The following TMEM120A variants were observed in gnomAD, a reference collection of about 807,000 sequenced individuals.
TMEM120A encodes transmembrane protein 120A.
TMEM120A carries 45 observed loss-of-function variants against 54.3 expected under a neutral mutation model. That is an observed-to-expected ratio of 0.83 (90% CI 0.65 to 1.06). The LOEUF is 1.06. Ranked by LOEUF, TMEM120A falls within the 50% of genes least tolerant of loss-of-function variation. TMEM120A has a pLI of 0.00. For synonymous variants in TMEM120A, 204 were observed against 178.5 expected (o/e 1.14, Z -1.14); for missense variants, 424 against 441.7 (o/e 0.96, Z 0.36).
intron 1 of TMEM120A, among the ~76,000 whole-genome samples, 198 bp downstream of exon 1, chr7:75,994,292 T>A (rs1789968845): frequency 6.6e-6 from 1 of 151,758 alleles, no homozygotes; most frequent in Non-Finnish European, 1.5e-5. Context: ...CGCGATGGGG[T>A]CCCGCCGGGG....
chr7:75,989,127 GGGGTGGAGGTTGGGGGGTGGA>G lies in TMEM120A; in HGVS notation c.377+17_377+37del. Reference sequence around the variant, plus strand: ...AGGGGGGTAGGGGGCTAGGGGTGGAGGGGTGGAGGTTGGGGGGTGGAGGCTCGGCCTGATTACTTAGCCTGC... The same window carrying G: ...AGGGGGGTAGGGGGCTAGGGGTGGAGGGCTCGGCCTGATTACTTAGCCTGC... On this transcript the variant is annotated intron_variant, in intron 4 of 11. Transcript: ENST00000493111. The G allele has an allele frequency of 1.2e-6, 1 of 825,664 alleles. No homozygotes were observed. The highest frequency in any genetic ancestry group is 1.9e-6 in the Non-Finnish European group (1 of 527,272). 51.1% of individuals were successfully genotyped at this position (825,664 alleles called of 1,614,324 possible). A position where few individuals can be genotyped will look rare whatever the true frequency, so the allele number is the denominator to read the frequency against.
intron 1 of TMEM120A, among the ~76,000 whole-genome samples, chr7:75,993,155 G>A (rs1345829746): frequency 6.6e-6 from 1 of 152,290 alleles, no homozygotes; most frequent in Non-Finnish European, 1.5e-5. Flanking sequence ...TACAAGGACA[G>A]ACTCTTTCTC....
rs558483977 is a variant in TMEM120A at position 75,992,745 on chromosome 7, C to T, written c.82-188G>A. Among the ~76,000 whole-genome samples, 14 of 152,274 alleles carry T rather than the reference C, an allele frequency of 9.2e-5. No individual in the cohort carries two copies. The South Asian group carries it at 2.7e-3, about 29-fold the overall frequency. ...CCAAGGCAGGCAAGGACCTGGGTGT[C>T]CTCCTGTGAGCCCAGAGACCCCCAC... On this transcript the variant is annotated intron_variant, in intron 1 of 11. Transcript: ENST00000493111.
intron 3 of TMEM120A, 104 bp downstream of exon 3, chr7:75,992,040 C>T (rs782065403): frequency 2.5e-6 from 2 of 798,906 alleles, no homozygotes; most frequent in South Asian, 1.8e-5. Context: ...TCAGCCTGTA[C>T]TGGGCCCAGG....
At chr7:75,992,332 A>T in intron 2 of TMEM120A, 72 bp from the exon 3 acceptor site, 6 of 1,553,468 alleles carry the variant, frequency 3.9e-6, no homozygotes, top group Non-Finnish European at 2.6e-6. Flanking sequence ...ACAGGGGCAG[A>T]AGGGCAAACA....
At chr7:75,994,458 G>A (rs782000442) in intron 1 of TMEM120A, 32 bp downstream of exon 1, 1 of 1,542,984 alleles carries the variant, frequency 6.5e-7, no homozygotes. Flanking sequence ...GACGCGGCTC[G>A]GGGGCGACCC....
chr7:75,991,126 T>C (rs1789829225), intron 3 of TMEM120A, among the ~76,000 whole-genome samples: 1 of 152,112 alleles, frequency 6.6e-6, no homozygotes. Context: ...GCTATCTCCC[T>C]GCCTGCAGCC....
chr7:75,992,423 G>C lies in TMEM120A; in HGVS notation c.200+16C>G. 6.3e-7 allele frequency: 1 copy of C among 1,586,162 alleles called. No homozygotes were observed. Among genetic ancestry groups the C allele is most frequent in the Non-Finnish European group, 8.6e-7 (1 of 1,165,900 alleles). ...CCCACACTCTGCCCATGGCGGGTGG[G>C]GTAGGGGATCCTAACTTCTTCAGGG... On this transcript the variant is annotated intron_variant, in intron 2 of 11. Coordinates refer to ENST00000493111, the MANE Select transcript of TMEM120A (RefSeq NM_031925.3).
chr7:75,987,800 C>A lies in TMEM120A; in HGVS notation c.702G>T (p.Gln234His). The change falls in exon 9 of 12, where the codon CAG becomes CAT. Residue 234 changes from glutamine (Q) to histidine (H), a missense_variant. Coordinates refer to ENST00000493111, the MANE Select transcript of TMEM120A (RefSeq NM_031925.3). ...LSFSMYQSFV[Q>H]FLQYYYQSGC... is the part of the protein sequence containing the mutation. The stretch of plus-strand genomic sequence containing the variant: ...CGCTCTGGTAGTAGTACTGGAGAAA[C>A]TGCACGAAGCCTGGGCCGGGCGGAG... 1 of 1,612,004 alleles carries A rather than the reference C, an allele frequency of 6.2e-7. No homozygotes were observed. The highest frequency in any genetic ancestry group is 1.1e-5 in the South Asian group (1 of 90,926).
intron 4 of TMEM120A, 82 bp from the exon 5 acceptor site, chr7:75,988,598 A>T: frequency 1.5e-6 from 1 of 689,590 alleles, no homozygotes; most frequent in Non-Finnish European, 2.3e-6. Context: ...AGCTGAGCCA[A>T]GGGTAGTCGG....
At chr7:75,989,092 T>TGAGGGGTGGAGGGGTG (rs1789721498) in intron 4 of TMEM120A, 73 bp downstream of exon 4, 1 of 371,056 alleles carries the variant, frequency 2.7e-6, no homozygotes, top group Non-Finnish European at 4.8e-6. Context: ...GGGTGGAGGT[T>TGAGGGGTGGAGGGGTG]GAGGGGGGGA....
At chr7:75,991,012 T>C (rs1321718053) in intron 3 of TMEM120A, among the ~76,000 whole-genome samples, 4 of 151,738 alleles carry the variant, frequency 2.6e-5, no homozygotes, top group African/African-American at 9.7e-5. Flanking sequence ...TCTGCCAAGA[T>C]GACCCAACTT....
chr7:75,989,735 C>A (rs1554561452), intron 3 of TMEM120A, among the ~76,000 whole-genome samples: 2 of 152,088 alleles, frequency 1.3e-5, no homozygotes, highest in Non-Finnish European at 2.9e-5. Context: ...TACTCAGCCT[C>A]CCGGGGCGTT....
rs782307627 is a variant in TMEM120A at position 75,989,190 on chromosome 7, C to G, written c.352G>C (p.Val118Leu). Residue 118 changes from valine (V) to leucine (L), a missense_variant, in exon 4 of 12, where the codon GTC becomes CTC. By Grantham distance (32) the Val-to-Leu change is conservative. Coordinates refer to ENST00000493111, the MANE Select transcript of TMEM120A (RefSeq NM_031925.3). Reference protein sequence around the residue: ...YLSLVLGNVNVTLLSKQAKFA... With the variant: ...YLSLVLGNVNLTLLSKQAKFA... ...TTAGCCTGCTTGCTCAGGAGCGTGACGTTGACGTTCCCCAGAACCAGGCTC... is the reference window on the plus strand; with the variant it reads ...TTAGCCTGCTTGCTCAGGAGCGTGAGGTTGACGTTCCCCAGAACCAGGCTC... 2 of 1,447,054 alleles carry G rather than the reference C, an allele frequency of 1.4e-6. No homozygotes were observed. The allele number at this position is 1,447,054 out of a possible 1,614,324, so 89.6% of individuals were successfully genotyped here. A position where few individuals can be genotyped will look rare whatever the true frequency, so the allele number is the denominator to read the frequency against.
intron 1 of TMEM120A, 69 bp downstream of exon 1, chr7:75,994,421 G>T: frequency 7.0e-7 from 1 of 1,431,174 alleles, no homozygotes; most frequent in Non-Finnish European, 9.6e-7. Flanking sequence ...ACCCAGGGCT[G>T]CCCGACCCTT....
Position 75,986,943 on chromosome 7 carries a change from A to C in TMEM120A, c.*229T>G. On this transcript the variant is annotated 3_prime_UTR_variant, in exon 12 of 12. Transcript: ENST00000493111. The stretch of plus-strand genomic sequence containing the variant: ...CCCCAGGAACCCATGTGGTGGGGCC[A>C]CCCAGCCCTCCCCTCCCCCAGGAGA... 2 of 598,752 alleles carry C rather than the reference A, an allele frequency of 3.3e-6. No homozygotes were observed. 37.1% of individuals were successfully genotyped at this position (598,752 alleles called of 1,614,324 possible).
Position 75,992,232 on chromosome 7 carries a change from C to T in TMEM120A, c.229G>A (p.Glu77Lys), listed in dbSNP as rs374738520. The change falls in exon 3 of 12, where the codon GAG becomes AAG. Residue 77 changes from glutamate (E) to lysine (K), a missense_variant. Coordinates refer to ENST00000493111, the MANE Select transcript of TMEM120A (RefSeq NM_031925.3). ...KCKPSLPAEA[E>K]GAAQELENQM... ...TTCTCCAGCTCCTGTGCGGCCCCCTCGGCCTCTGCTGGGAGGGAGGGTTTG... is the reference window on the plus strand; with the variant it reads ...TTCTCCAGCTCCTGTGCGGCCCCCTTGGCCTCTGCTGGGAGGGAGGGTTTG... 24 of 1,611,320 alleles carry T rather than the reference C, an allele frequency of 1.5e-5. No individual in the cohort carries two copies. The highest frequency in any genetic ancestry group is 6.7e-5 in the Admixed American group (4 of 59,696).
chr7:75,987,695 T>TG, intron 9 of TMEM120A, 23 bp downstream of exon 9: 3 of 1,610,890 alleles, frequency 1.9e-6, no homozygotes, highest in Non-Finnish European at 2.5e-6. Context: ...AATGTCCAGA[T>TG]GCCAGGGCCA....
At chr7:75,992,281 A>G (rs1554562002) in intron 2 of TMEM120A, 21 bp from the exon 3 acceptor site, 3 of 1,591,638 alleles carry the variant, frequency 1.9e-6, no homozygotes, top group Admixed American at 3.5e-5. Flanking sequence ...GGCCAGAAAC[A>G]GTCAGGGCAA....
Sources: allele counts gnomAD v4.1 joint callset (sites outside exome capture counted in the v4.1 genomes callset), GRCh38; gene constraint gnomAD v4.1.1; transcripts MANE v1.5; gene names NCBI Gene and HGNC (gene_info 2026-07-23, HGNC 2026-07-21).